GNPAT: variants seen among roughly 807,000 people sequenced by gnomAD.
The protein encoded by GNPAT is glyceronephosphate O-acyltransferase.
In GNPAT, 30 loss-of-function variants were observed where a neutral mutation model predicts 78.4. The observed-to-expected ratio is 0.38, with a 90% CI of 0.29 to 0.52. The LOEUF (loss-of-function observed/expected upper bound fraction) is 0.52, where lower values mean the gene tolerates loss of function less well. Among genes scored for constraint, GNPAT ranks in the 20% least tolerant of loss-of-function variants. The probability of loss-of-function intolerance (pLI) is 0.84; values close to 1 mark genes in which losing one functional copy is unlikely to be tolerated. For missense variants in GNPAT, 714 were observed against 812.2 expected (o/e 0.88, Z 1.47); for synonymous variants, 271 against 281.1 (o/e 0.96, Z 0.36).
At chr1:231,265,214 G>T in intron 4 of GNPAT, 79 bp from the exon 5 acceptor site, 1 of 1,050,894 alleles carries the variant, frequency 9.5e-7, no homozygotes, top group Non-Finnish European at 1.5e-6. Context: ...AAATATAAAT[G>T]AAAAATAAGC....
intron 2 of GNPAT, among the ~76,000 whole-genome samples, chr1:231,254,784 CCTCT>C (rs1685000545): frequency 6.6e-6 from 1 of 150,898 alleles, no homozygotes; most frequent in Admixed American, 6.6e-5. Flanking sequence ...ACAGAGTCTC[CCTCT>C]GTCTCCCAGA....
intron 4 of GNPAT, among the ~76,000 whole-genome samples, chr1:231,263,442 T>G (rs1435032691): frequency 6.6e-6 from 1 of 152,194 alleles, no homozygotes; most frequent in African/African-American, 2.4e-5. Context: ...TTGATATAGG[T>G]GGAATCATAC....
intron 1 of GNPAT, among the ~76,000 whole-genome samples, chr1:231,244,398 G>A (rs1311607294): frequency 2.6e-5 from 4 of 152,188 alleles, no homozygotes; most frequent in Admixed American, 2.6e-4. Flanking sequence ...GAATTTATGT[G>A]ATATTTAGGA....
intron 1 of GNPAT, among the ~76,000 whole-genome samples, chr1:231,245,797 C>G (rs1048423835): frequency 6.6e-6 from 1 of 152,088 alleles, no homozygotes; most frequent in African/African-American, 2.4e-5. Context: ...TCGAGAAACC[C>G]CGTCTCTACT....
chr1:231,253,927 A>ATC (rs1684968626), intron 2 of GNPAT, among the ~76,000 whole-genome samples: 2 of 152,288 alleles, frequency 1.3e-5, no homozygotes, highest in African/African-American at 4.8e-5. Flanking sequence ...GGACCCAGGC[A>ATC]TCTCTCTCCC....
In GNPAT at chr1:231,247,740, C is replaced by G. The variant is rs918336640; in HGVS notation, c.79-3221C>G. 2.0e-5 allele frequency among the ~76,000 whole-genome samples: 3 copies of G among 152,280 alleles called. No homozygotes were observed. In the South Asian group the frequency reaches 6.2e-4, roughly 32 times the overall value. On this transcript the variant is annotated intron_variant, in intron 1 of 15. Coordinates refer to ENST00000366647, the MANE Select transcript of GNPAT (RefSeq NM_014236.4). ...GCATTCAGATATTTGAGAATGAATGCTATTCTGTAGAGGGAGCAACTTGAA... is the reference window on the plus strand; with the variant it reads ...GCATTCAGATATTTGAGAATGAATGGTATTCTGTAGAGGGAGCAACTTGAA...
intron 3 of GNPAT, 80 bp from the exon 4 acceptor site, chr1:231,262,642 TA>T (rs1685252985): frequency 1.8e-6 from 2 of 1,125,118 alleles, no homozygotes; most frequent in South Asian, 2.5e-5. Flanking sequence ...AATATAGACT[TA>T]TTCTTCCGTT....
chr1:231,256,479 C>CTTTTTTTTTTTT (rs10693276), intron 2 of GNPAT, among the ~76,000 whole-genome samples: 2 of 75,904 alleles, frequency 2.6e-5, no homozygotes, highest in Non-Finnish European at 4.6e-5. Flanking sequence ...CTAATTTTCT[C>CTTTTTTTTTTTT]TTTTTTTTTT....
intron 1 of GNPAT, among the ~76,000 whole-genome samples, chr1:231,242,404 C>T (rs1684637853): frequency 6.6e-6 from 1 of 152,170 alleles, no homozygotes; most frequent in Non-Finnish European, 1.5e-5. Flanking sequence ...AAGATAAACA[C>T]CCCAGTTTTG....
chr1:231,261,418 G>A (rs186226009), intron 3 of GNPAT, among the ~76,000 whole-genome samples: 12 of 151,212 alleles, frequency 7.9e-5, no homozygotes, highest in South Asian at 2.1e-4. Flanking sequence ...TATTGGGCTC[G>A]GGTTGTGTAC....
intron 1 of GNPAT, 53 bp downstream of exon 1, chr1:231,241,509 C>A (rs570157519): frequency 7.0e-6 from 9 of 1,279,610 alleles, no homozygotes; most frequent in Non-Finnish European, 1.0e-5. Context: ...AATAGTACCC[C>A]TTTCTCCCAG....
chr1:231,246,329 T>G (rs1684746527), intron 1 of GNPAT, among the ~76,000 whole-genome samples: 1 of 152,246 alleles, frequency 6.6e-6, no homozygotes, highest in Non-Finnish European at 1.5e-5. Context: ...TAAATGAATT[T>G]ACCTTGTTTA....
chr1:231,241,944 C>T (rs822626), intron 1 of GNPAT, among the ~76,000 whole-genome samples: 90,120 of 152,104 alleles, frequency 0.59, 27,173 homozygotes, highest in African/African-American at 0.69. Context: ...TTAAACACTT[C>T]AGGAAAATTT....
At chr1:231,255,270 T>A (rs1271874548) in intron 2 of GNPAT, among the ~76,000 whole-genome samples, 1 of 152,120 alleles carries the variant, frequency 6.6e-6, no homozygotes, top group East Asian at 1.9e-4. Flanking sequence ...TCTTATTTCT[T>A]CAACTACTTC....
At position 231,241,226 on chromosome 1, in the gene GNPAT, A is replaced by C. The variant is rs537119013; in HGVS notation, c.-153A>C. 2.9e-4 allele frequency: 440 copies of C among 1,504,834 alleles called. 5 individuals carry two copies. In the East Asian group the frequency reaches 9.8e-3, roughly 33 times the overall value. 93.2% of individuals were successfully genotyped at this position (1,504,834 alleles called of 1,614,324 possible). On this transcript the variant is annotated 5_prime_UTR_variant, in exon 1 of 16. The change abolishes an upstream ATG in the 5' untranslated region. Transcript: ENST00000366647. ...CTGCGCGGCTTCCGTCCTGGCTGAG[A>C]TGGCGGCGCCCGGGATCCTGTGTAG... is the stretch of plus-strand genomic sequence containing the variant.
At chr1:231,256,847 A>T (rs1000046295) in intron 2 of GNPAT, among the ~76,000 whole-genome samples, 7 of 152,080 alleles carry the variant, frequency 4.6e-5, no homozygotes, top group Admixed American at 2.6e-4. Flanking sequence ...CCACCTTTCT[A>T]ACTCAGTCTG....
At position 231,265,279 on chromosome 1, in the gene GNPAT, C is replaced by T; in HGVS notation, c.569-14C>T. ...TTCAAGATCTGCAAATAAATATTAT[C>T]CCCTCTTTTTTAGACTTCCTGGGAA... On this transcript the variant is annotated splice_polypyrimidine_tract_variant and intron_variant, in intron 4 of 15. Coordinates refer to ENST00000366647, the MANE Select transcript of GNPAT (RefSeq NM_014236.4). 6.4e-7 allele frequency: 1 copy of T among 1,557,052 alleles called. No individual in the cohort carries two copies.
At chr1:231,252,702 CCTT>C (rs1297355147) in intron 2 of GNPAT, among the ~76,000 whole-genome samples, 3 of 151,842 alleles carry the variant, frequency 2.0e-5, no homozygotes, top group East Asian at 1.9e-4. Flanking sequence ...TATGCTCTCT[CCTT>C]TTTTTTTTTT....
At chr1:231,241,666 A>ATG (rs758502255) in intron 1 of GNPAT, among the ~76,000 whole-genome samples, 1 of 152,196 alleles carries the variant, frequency 6.6e-6, no homozygotes, top group Non-Finnish European at 1.5e-5. Flanking sequence ...TCTACGGATT[A>ATG]TGGTTCCTTT....
Sources: allele counts gnomAD v4.1 joint callset (sites outside exome capture counted in the v4.1 genomes callset), GRCh38; gene constraint gnomAD v4.1.1; transcripts MANE v1.5; gene names NCBI Gene and HGNC (gene_info 2026-07-23, HGNC 2026-07-21).